DEUP1: variants seen among roughly 807,000 people sequenced by gnomAD.
DEUP1 encodes the protein deuterosome assembly protein 1, also known as coiled-coil domain containing 67.
A neutral mutation model predicts 87.4 loss-of-function variants in DEUP1; 82 were observed. That is an observed-to-expected ratio of 0.94 (90% CI 0.78 to 1.13). The LOEUF (loss-of-function observed/expected upper bound fraction) is 1.13, where lower values mean the gene tolerates loss of function less well. Ranked by LOEUF, DEUP1 falls within the 50% of genes most tolerant of loss-of-function variation. The probability of loss-of-function intolerance (pLI) is 0.00; values close to 1 mark genes in which losing one functional copy is unlikely to be tolerated. For missense variants in DEUP1, 663 were observed against 681.5 expected, an observed-to-expected ratio of 0.97 and a Z score of 0.30; for synonymous variants, 214 against 222.7, an observed-to-expected ratio of 0.96 and a Z score of 0.35.
At chr11:93,339,179 G>A (rs1223826054) in intron 2 of DEUP1, among the ~76,000 whole-genome samples, 2 of 152,212 alleles carry the variant, frequency 1.3e-5, no homozygotes, top group South Asian at 2.1e-4. Flanking sequence ...AATAGAAAGT[G>A]TTATAGAATG....
chr11:93,437,508 A>G, intron 13 of DEUP1, 35 bp from the exon 14 acceptor site: 2 of 1,544,866 alleles, frequency 1.3e-6, no homozygotes, highest in East Asian at 4.5e-5. Context: ...AAAGCTCTGT[A>G]TTCCTCACTC....
At chr11:93,417,697 A>C (rs1401045337) in intron 13 of DEUP1, among the ~76,000 whole-genome samples, 10 of 145,670 alleles carry the variant, frequency 6.9e-5, no homozygotes, top group East Asian at 2.0e-4. Context: ...GTTCATATGG[A>C]ACCAAAAAAG....
chr11:93,393,316 T>C (rs1372981533), intron 9 of DEUP1, among the ~76,000 whole-genome samples: 1 of 136,724 alleles, frequency 7.3e-6, no homozygotes, highest in Non-Finnish European at 1.6e-5. Context: ...TATGCCTTTT[T>C]ATTTTTTTTA....
chr11:93,403,501 T>G (rs919376348), intron 11 of DEUP1, among the ~76,000 whole-genome samples: 3 of 151,794 alleles, frequency 2.0e-5, no homozygotes, highest in Non-Finnish European at 4.4e-5. Flanking sequence ...TACAGTTCTT[T>G]TTATCTCTTC....
chr11:93,415,169 T>C lies in DEUP1; in HGVS notation c.1638+55T>C, dbSNP rs200936518. Reference sequence around the variant, plus strand: ...CTTTAATGGGTTATTGCTTTACTCTTACACTGATGTCAATAAACTGACGTA... The same window carrying C: ...CTTTAATGGGTTATTGCTTTACTCTCACACTGATGTCAATAAACTGACGTA... On this transcript the variant is annotated intron_variant, in intron 13 of 13. Coordinates refer to ENST00000298050, the MANE Select transcript of DEUP1 (RefSeq NM_181645.4). 3.6e-5 allele frequency: 37 copies of C among 1,017,888 alleles called. 1 individual carries two copies. In the East Asian group the frequency reaches 8.2e-4, roughly 23 times the overall value. The allele number at this position is 1,017,888 out of a possible 1,614,324, so 63.1% of individuals were successfully genotyped here. A position where few individuals can be genotyped will look rare whatever the true frequency, so the allele number is the denominator to read the frequency against.
At chr11:93,420,065 G>C (rs1947821014) in intron 13 of DEUP1, among the ~76,000 whole-genome samples, 2 of 152,110 alleles carry the variant, frequency 1.3e-5, no homozygotes. Flanking sequence ...CTCATTTTAT[G>C]AGGCCAGCAT....
chr11:93,330,515 C>T (rs1343440678), upstream of DEUP1: 1 of 152,306 alleles, frequency 6.6e-6, no homozygotes, highest in Non-Finnish European at 1.5e-5. Flanking sequence ...CAGCGCCTGC[C>T]GCCGCCGCCG....
chr11:93,414,274 G>A (rs1483915037), intron 12 of DEUP1, among the ~76,000 whole-genome samples: 3 of 152,152 alleles, frequency 2.0e-5, no homozygotes, highest in Non-Finnish European at 4.4e-5. Flanking sequence ...AGCACTTTGG[G>A]AGGCCAACGC....
At chr11:93,332,731 A>C (rs899441356) in intron 2 of DEUP1, among the ~76,000 whole-genome samples, 2 of 152,244 alleles carry the variant, frequency 1.3e-5, no homozygotes, top group African/African-American at 4.8e-5. Flanking sequence ...CAAGAACTAG[A>C]TATCTTACCA....
At chr11:93,350,030 T>G (rs1238156977) in intron 2 of DEUP1, among the ~76,000 whole-genome samples, 1 of 151,678 alleles carries the variant, frequency 6.6e-6, no homozygotes, top group African/African-American at 2.4e-5. Context: ...TTTTGAGGAG[T>G]ATATTTGGCT....
chr11:93,362,413 A>T (rs1208977800), intron 4 of DEUP1, among the ~76,000 whole-genome samples: 1 of 151,970 alleles, frequency 6.6e-6, no homozygotes, highest in Non-Finnish European at 1.5e-5. Flanking sequence ...TTGAATAGAT[A>T]TTTCTCCAAA....
intron 9 of DEUP1, among the ~76,000 whole-genome samples, chr11:93,393,532 G>C (rs1260699952): frequency 6.6e-6 from 1 of 152,026 alleles, no homozygotes; most frequent in Non-Finnish European, 1.5e-5. Context: ...TTTTGGGTCT[G>C]ATGACCCTTC....
At chr11:93,339,124 CCT>C (rs942905325) in intron 2 of DEUP1, among the ~76,000 whole-genome samples, 1 of 152,134 alleles carries the variant, frequency 6.6e-6, no homozygotes. Flanking sequence ...GCTATTATTC[CCT>C]GTTTCCTCTA....
intron 7 of DEUP1, among the ~76,000 whole-genome samples, chr11:93,381,655 A>G (rs1271458936): frequency 1.3e-5 from 2 of 152,158 alleles, no homozygotes; most frequent in Non-Finnish European, 2.9e-5. Flanking sequence ...TTTTTCTAAT[A>G]TCTATGACAG....
chr11:93,387,331 A>G (rs957168195), intron 8 of DEUP1, among the ~76,000 whole-genome samples: 5 of 152,170 alleles, frequency 3.3e-5, no homozygotes, highest in African/African-American at 1.2e-4. Flanking sequence ...TCAAAGTGAA[A>G]TACCCCAGAC....
chr11:93,376,338 G>A (rs955545615), intron 7 of DEUP1, among the ~76,000 whole-genome samples: 1 of 152,088 alleles, frequency 6.6e-6, no homozygotes, highest in Admixed American at 6.5e-5. Context: ...ATCTAGGAGG[G>A]TTTACTCTGG....
chr11:93,434,001 G>A (rs1948171214), intron 13 of DEUP1, among the ~76,000 whole-genome samples: 1 of 152,160 alleles, frequency 6.6e-6, no homozygotes, highest in Non-Finnish European at 1.5e-5. Flanking sequence ...TTCGGTGGAG[G>A]GCAGTTCCCC....
chr11:93,389,685 A>C (rs1304907136), intron 9 of DEUP1, among the ~76,000 whole-genome samples: 1 of 152,232 alleles, frequency 6.6e-6, no homozygotes, highest in African/African-American at 2.4e-5. Context: ...CACCAAGAAA[A>C]AGTAACTTTC....
intron 7 of DEUP1, among the ~76,000 whole-genome samples, chr11:93,381,683 TG>T (rs1170032370): frequency 1.3e-5 from 2 of 152,200 alleles, no homozygotes; most frequent in African/African-American, 4.8e-5. Flanking sequence ...AACCTTTTTT[TG>T]TTTGCTTGTT....
Sources: allele counts gnomAD v4.1 joint callset (sites outside exome capture counted in the v4.1 genomes callset), GRCh38; gene constraint gnomAD v4.1.1; transcripts MANE v1.5; gene names NCBI Gene and HGNC (gene_info 2026-07-23, HGNC 2026-07-21).